Variants in JDP2 observed in about 807,000 individuals in gnomAD.
JDP2 encodes Jun dimerization protein 2.
Under a neutral mutation model 17.1 loss-of-function variants are expected in JDP2, and 9 were observed. That is an observed-to-expected ratio of 0.53 (90% confidence interval 0.32 to 0.92). JDP2 has a LOEUF of 0.92. Among genes scored for constraint, JDP2 ranks in the 40% least tolerant of loss-of-function variants. The pLI, the probability that JDP2 is intolerant of heterozygous loss-of-function variation, is 0.04. For missense variants in JDP2, 179 were observed against 220.0 expected (o/e 0.81, Z 1.18); for synonymous variants, 107 against 95.6 (o/e 1.12, Z -0.69).
intron 2 of JDP2, among the ~76,000 whole-genome samples, chr14:75,457,110 T>C (rs979541228): frequency 1.2e-4 from 19 of 152,372 alleles, no homozygotes; most frequent in African/African-American, 4.3e-4. Flanking sequence ...TTTAAATGTA[T>C]TGAGCGTCAA....
chr14:75,456,990 C>T (rs1886141681), intron 2 of JDP2, among the ~76,000 whole-genome samples: 1 of 152,220 alleles, frequency 6.6e-6, no homozygotes, highest in South Asian at 2.1e-4. Flanking sequence ...ACCCGGATGG[C>T]CTTGCCCTTG....
At chr14:75,452,930 G>C (rs1342892161) in intron 2 of JDP2, among the ~76,000 whole-genome samples, 4 of 152,232 alleles carry the variant, frequency 2.6e-5, no homozygotes, top group Non-Finnish European at 4.4e-5. Context: ...CACTGAGTAA[G>C]AAGGCCTGGC....
At position 75,470,195 on chromosome 14, in the gene JDP2, T is replaced by G. The variant is rs1012469647; in HGVS notation, c.*720T>G. ...TCCTTTTTTTTTTTTTTTTTAATAT[T>G]TTTTACAAAAAAAAAGATTTTATAC... On this transcript the variant is annotated 3_prime_UTR_variant, in exon 4 of 4. Transcript: ENST00000651602. 6.6e-5 allele frequency: 10 copies of G among 151,984 alleles called. No individual in the cohort carries two copies. The highest frequency in any genetic ancestry group is 2.1e-4 in the South Asian group (1 of 4,828). The allele number at this position is 151,984 out of a possible 1,614,324, so 9.4% of individuals were successfully genotyped here.
intron 2 of JDP2, among the ~76,000 whole-genome samples, chr14:75,439,997 A>C (rs1265973603): frequency 1.3e-5 from 2 of 152,222 alleles, no homozygotes; most frequent in Non-Finnish European, 2.9e-5. Context: ...TCTCCTCTGC[A>C]AAAGGCACTG....
intron 3 of JDP2, among the ~76,000 whole-genome samples, chr14:75,468,280 G>A (rs189009174): frequency 6.6e-6 from 1 of 152,282 alleles, no homozygotes; most frequent in Non-Finnish European, 1.5e-5. Flanking sequence ...CTAGATGCTG[G>A]TAGCACAGCT....
chr14:75,445,472 A>G (rs902769485), intron 2 of JDP2: 1 of 985,160 alleles, frequency 1.0e-6, no homozygotes, highest in Admixed American at 6.2e-5. Flanking sequence ...TCCTCCCTAC[A>G]CCCTACCAAC....
chr14:75,448,917 A>G (rs1885728614), intron 2 of JDP2, among the ~76,000 whole-genome samples: 1 of 152,142 alleles, frequency 6.6e-6, no homozygotes, highest in Non-Finnish European at 1.5e-5. Flanking sequence ...GCCCTTCCAT[A>G]CCTTCTCTCT....
At chr14:75,451,567 C>G (rs569750218) in intron 2 of JDP2, among the ~76,000 whole-genome samples, 1 of 152,082 alleles carries the variant, frequency 6.6e-6, no homozygotes, top group Non-Finnish European at 1.5e-5. Context: ...ATCCACAGGC[C>G]GTGCGTATCG....
At chr14:75,452,008 T>A (rs967735684) in intron 2 of JDP2, among the ~76,000 whole-genome samples, 7 of 152,194 alleles carry the variant, frequency 4.6e-5, no homozygotes, top group African/African-American at 1.7e-4. Context: ...AGTCTCAACA[T>A]CCTGGGCTCA....
chr14:75,445,351 A>G (rs1885548688), intron 2 of JDP2: 1 of 985,330 alleles, frequency 1.0e-6, no homozygotes. Flanking sequence ...ACAACCTGCC[A>G]TATGCTGGGG....
chr14:75,445,290 G>A (rs1297849351), intron 2 of JDP2: 1 of 985,404 alleles, frequency 1.0e-6, no homozygotes, highest in East Asian at 1.1e-4. Flanking sequence ...GAAAGTGCTG[G>A]GAGTGAGGGC....
chr14:75,432,411 C>T lies in JDP2; in HGVS notation c.-24+4159C>T, dbSNP rs144999538. ...GGACTCCTGCCCTCCGCATCCGGTTCTGTCCTGGGAATCTTCCCAGGCTCT... is the reference window on the plus strand; with the variant it reads ...GGACTCCTGCCCTCCGCATCCGGTTTTGTCCTGGGAATCTTCCCAGGCTCT... On this transcript the variant is annotated intron_variant, in intron 1 of 3. Transcript: ENST00000651602. 66 of 1,412,144 alleles carry T rather than the reference C, an allele frequency of 4.7e-5. No homozygotes were observed. The African/African-American group carries it at 8.9e-4, about 19-fold the overall frequency. 87.5% of individuals were successfully genotyped at this position (1,412,144 alleles called of 1,614,324 possible).
chr14:75,456,455 G>A (rs920756177), intron 2 of JDP2, among the ~76,000 whole-genome samples: 2 of 152,198 alleles, frequency 1.3e-5, no homozygotes, highest in African/African-American at 2.4e-5. Context: ...GCCCGGGGGC[G>A]TGGCATGTAG....
At chr14:75,436,436 T>G (rs1255849196) in intron 1 of JDP2, among the ~76,000 whole-genome samples, 2 of 152,228 alleles carry the variant, frequency 1.3e-5, no homozygotes, top group African/African-American at 2.4e-5. Context: ...AGGCCAAAGA[T>G]TTTCCCTCAG....
At chr14:75,434,867 A>G (rs1441585810) in intron 1 of JDP2, among the ~76,000 whole-genome samples, 1 of 152,008 alleles carries the variant, frequency 6.6e-6, no homozygotes, top group East Asian at 1.9e-4. Context: ...TTCTTACACC[A>G]TTTGCTGAAT....
chr14:75,434,410 A>G (rs185322155), intron 1 of JDP2, among the ~76,000 whole-genome samples: 1 of 152,188 alleles, frequency 6.6e-6, no homozygotes, highest in Non-Finnish European at 1.5e-5. Flanking sequence ...ATATCTGAGC[A>G]GTTAGGGGCT....
Position 75,473,317 on chromosome 14 carries a change from T to A in JDP2, c.*3842T>A, listed in dbSNP as rs1886851100. 1 of 152,010 alleles carries A rather than the reference T, an allele frequency of 6.6e-6. No individual in the cohort carries two copies. The highest frequency in any genetic ancestry group is 2.4e-5 in the African/African-American group (1 of 41,360). 9.4% of individuals were successfully genotyped at this position (152,010 alleles called of 1,614,324 possible). On this transcript the variant is annotated 3_prime_UTR_variant, in exon 4 of 4. Transcript: ENST00000651602. ...TTGCGCCACTGCACTCCAGCCTGGG[T>A]GACAGAGCGAGACTCCATCTCAAAA...
At chr14:75,450,439 T>C (rs1471132893) in intron 2 of JDP2, among the ~76,000 whole-genome samples, 1 of 152,200 alleles carries the variant, frequency 6.6e-6, no homozygotes, top group East Asian at 1.9e-4. Context: ...CCACACTGTT[T>C]CCTGCAGATG....
chr14:75,466,466 T>G (rs1314042360), intron 3 of JDP2, among the ~76,000 whole-genome samples: 1 of 152,192 alleles, frequency 6.6e-6, no homozygotes, highest in Non-Finnish European at 1.5e-5. Context: ...GTTAGTTACA[T>G]TCTGACAGCC....
Sources: gnomAD v4.1 joint callset for allele counts (sites outside exome capture counted in the v4.1 genomes callset) on GRCh38, gnomAD v4.1.1 for gene constraint, MANE v1.5 for transcripts, NCBI Gene and HGNC (gene_info 2026-07-23, HGNC 2026-07-21) for gene names.